Variants in RASGEF1B observed in about 807,000 individuals in gnomAD.
The protein encoded by RASGEF1B is ras-GEF domain-containing family member 1B.
A neutral mutation model predicts 65.7 loss-of-function variants in RASGEF1B; 30 were observed. That is an observed-to-expected ratio of 0.46 (90% CI 0.34 to 0.62). The LOEUF (loss-of-function observed/expected upper bound fraction) is 0.62. Ranked by LOEUF, RASGEF1B falls within the 20% of genes least tolerant of loss-of-function variation. RASGEF1B has a pLI of 0.01. For missense variants in RASGEF1B, 495 were observed against 580.1 expected (o/e 0.85, Z 1.51); for synonymous variants, 175 against 194.8 (o/e 0.90, Z 0.85).
chr4:81,465,029 A>G (rs1389959110), intron 1 of RASGEF1B, among the ~76,000 whole-genome samples: 1 of 151,478 alleles, frequency 6.6e-6, no homozygotes. Context: ...GGTTGTTGTG[A>G]GCTAAGATCG....
At chr4:81,433,535 T>C (rs1386363835) in intron 12 of RASGEF1B, among the ~76,000 whole-genome samples, 1 of 152,156 alleles carries the variant, frequency 6.6e-6, no homozygotes, top group African/African-American at 2.4e-5. Context: ...AAACACCTTT[T>C]GTCTATTCAA....
At chr4:81,456,279 T>C (rs1722437502) in intron 4 of RASGEF1B, 3 of 559,448 alleles carry the variant, frequency 5.4e-6, no homozygotes, top group Non-Finnish European at 9.4e-6. Flanking sequence ...TTATTTACTT[T>C]GTATCCACTA....
At chr4:81,457,297 G>T (rs1056288376) in intron 3 of RASGEF1B, among the ~76,000 whole-genome samples, 6 of 152,198 alleles carry the variant, frequency 3.9e-5, no homozygotes, top group Admixed American at 1.3e-4. Context: ...GATTACAGGC[G>T]TGAGCCAGTG....
chr4:81,466,917 T>C (rs1392729037), intron 1 of RASGEF1B, among the ~76,000 whole-genome samples: 2 of 135,082 alleles, frequency 1.5e-5, no homozygotes, highest in African/African-American at 5.7e-5. Context: ...GCAGAAATGC[T>C]ACACCTCTGC....
intron 1 of RASGEF1B, among the ~76,000 whole-genome samples, chr4:81,464,827 G>A (rs926469087): frequency 6.6e-6 from 1 of 152,226 alleles, no homozygotes; most frequent in African/African-American, 2.4e-5. Flanking sequence ...GCTCACACCT[G>A]TAATCCCAGC....
intron 1 of RASGEF1B, among the ~76,000 whole-genome samples, chr4:81,468,342 C>T (rs990368294): frequency 6.6e-6 from 1 of 152,114 alleles, no homozygotes; most frequent in African/African-American, 2.4e-5. Context: ...TCATCCCTTC[C>T]CATTTTTCTC....
At chr4:81,456,617 AT>A (rs1560707760) in intron 4 of RASGEF1B, 33 bp downstream of exon 4, 5 of 1,612,322 alleles carry the variant, frequency 3.1e-6, no homozygotes. Flanking sequence ...CTGCCTGGGA[AT>A]TCCAGCAGCC....
intron 4 of RASGEF1B, among the ~76,000 whole-genome samples, chr4:81,449,434 A>G (rs750123722): frequency 2.0e-5 from 3 of 152,228 alleles, no homozygotes; most frequent in Non-Finnish European, 4.4e-5. Context: ...TTCATAATCC[A>G]TCAATCCCAG....
At chr4:81,440,396 G>C (rs1383596931) in intron 10 of RASGEF1B, among the ~76,000 whole-genome samples, 1 of 152,126 alleles carries the variant, frequency 6.6e-6, no homozygotes, top group African/African-American at 2.4e-5. Context: ...TAATGCTATA[G>C]CAACTAACCC....
At position 81,445,725 on chromosome 4, in the gene RASGEF1B, G is replaced by T. The variant is rs2109978849; in HGVS notation, c.825+18C>A. 2 of 1,608,382 alleles carry T rather than the reference G, an allele frequency of 1.2e-6. No individual in the cohort carries two copies. The highest frequency in any genetic ancestry group is 2.2e-5 in the South Asian group (2 of 90,842). On this transcript the variant is annotated intron_variant, in intron 7 of 13. Coordinates refer to ENST00000264400, the MANE Select transcript of RASGEF1B (RefSeq NM_152545.3). ...AAATAATGTTGAGAACTAGGAGACAGAAAATTCATTTCCTCACCATACAGA... is the reference window on the plus strand; with the variant it reads ...AAATAATGTTGAGAACTAGGAGACATAAAATTCATTTCCTCACCATACAGA...
At chr4:81,447,669 C>A in intron 5 of RASGEF1B, 91 bp from the exon 6 acceptor site, 1 of 913,492 alleles carries the variant, frequency 1.1e-6, no homozygotes, top group Non-Finnish European at 1.8e-6. Flanking sequence ...CACCACCCCC[C>A]ATTTTTTAAT....
intron 1 of RASGEF1B, among the ~76,000 whole-genome samples, chr4:81,465,084 CAAA>C (rs113774656): frequency 2.2e-5 from 2 of 91,766 alleles, no homozygotes; most frequent in Admixed American, 1.2e-4. Flanking sequence ...AACTCCATCT[CAAA>C]AAAAAAAAAA....
intron 11 of RASGEF1B, among the ~76,000 whole-genome samples, 153 bp from the exon 12 acceptor site, chr4:81,434,116 C>A (rs1176167724): frequency 6.6e-6 from 1 of 152,194 alleles, no homozygotes; most frequent in African/African-American, 2.4e-5. Flanking sequence ...GTGGTGCAAT[C>A]ATAGCTCACT....
chr4:81,428,119 G>A (rs1721291456), intron 13 of RASGEF1B, among the ~76,000 whole-genome samples: 2 of 152,180 alleles, frequency 1.3e-5, no homozygotes, highest in African/African-American at 4.8e-5. Flanking sequence ...GGTTATCACA[G>A]ATAGATTTAC....
chr4:81,438,136 G>A (rs1158045690), intron 10 of RASGEF1B, among the ~76,000 whole-genome samples: 1 of 152,144 alleles, frequency 6.6e-6, no homozygotes, highest in African/African-American at 2.4e-5. Context: ...AATTGGAATG[G>A]CAAGAGGATT....
intron 10 of RASGEF1B, among the ~76,000 whole-genome samples, chr4:81,436,641 C>T (rs1168069003): frequency 6.6e-6 from 1 of 152,106 alleles, no homozygotes; most frequent in African/African-American, 2.4e-5. Flanking sequence ...CACTAAACAC[C>T]GATCGTGGGC....
intron 9 of RASGEF1B, 41 bp from the exon 10 acceptor site, chr4:81,440,970 T>C: frequency 7.7e-7 from 1 of 1,301,914 alleles, no homozygotes; most frequent in Non-Finnish European, 1.1e-6. Context: ...ATTTATTTAT[T>C]GTAAACTTCT....
intron 10 of RASGEF1B, among the ~76,000 whole-genome samples, chr4:81,438,590 C>T (rs1472293958): frequency 1.3e-5 from 2 of 152,070 alleles, no homozygotes; most frequent in African/African-American, 2.4e-5. Context: ...TTCTGGGATA[C>T]GTGTGCACAA....
At chr4:81,435,463 ATTT>A (rs1200565994) in intron 10 of RASGEF1B, among the ~76,000 whole-genome samples, 79 of 78,352 alleles carry the variant, frequency 1.0e-3, no homozygotes, top group African/African-American at 3.0e-3. Context: ...GCAGGCACCG[ATTT>A]TTTTTTTTTT....
Sources: gnomAD v4.1 joint callset for allele counts (sites outside exome capture counted in the v4.1 genomes callset) on GRCh38, gnomAD v4.1.1 for gene constraint, MANE v1.5 for transcripts, NCBI Gene and HGNC (gene_info 2026-07-23, HGNC 2026-07-21) for gene names.